FLT1: variants seen among roughly 807,000 people sequenced by gnomAD.
FLT1 encodes the protein fms related receptor tyrosine kinase 1.
FLT1 carries 49 observed loss-of-function variants against 156.3 expected under a neutral mutation model. The observed-to-expected ratio is 0.31, with a 90% CI of 0.25 to 0.40. FLT1 has a LOEUF of 0.40. Ranked by LOEUF, FLT1 falls within the 10% of genes least tolerant of loss-of-function variation. The pLI, the probability that FLT1 is intolerant of heterozygous loss-of-function variation, is 1.00. For missense variants in FLT1, 1,322 were observed against 1,637.2 expected, an observed-to-expected ratio of 0.81 and a Z score of 3.32; for synonymous variants, 594 against 583.8, an observed-to-expected ratio of 1.02 and a Z score of -0.25.
chr13:28,318,698 G>A (rs1871306885), intron 24 of FLT1, among the ~76,000 whole-genome samples: 1 of 152,190 alleles, frequency 6.6e-6, no homozygotes, highest in African/African-American at 2.4e-5. Context: ...ATGTTACTGG[G>A]TGACTTTTAT....
At position 28,303,076 on chromosome 13, in the gene FLT1, T is replaced by C; in HGVS notation, c.*91A>G. On this transcript the variant is annotated 3_prime_UTR_variant, in exon 30 of 30. Transcript: ENST00000282397. ...TGGCTCCCATGGAAAGATAAAGGTG[T>C]AAACTTATATATGCATAATACTGGC... 2 of 1,190,136 alleles carry C rather than the reference T, an allele frequency of 1.7e-6. No homozygotes were observed. The highest frequency in any genetic ancestry group is 1.3e-5 in the South Asian group (1 of 78,018). 73.7% of individuals were successfully genotyped at this position (1,190,136 alleles called of 1,614,324 possible). A position where few individuals can be genotyped will look rare whatever the true frequency, so the allele number is the denominator to read the frequency against.
Position 28,412,350 on chromosome 13 carries a change from C to CCTTTCTTTCTTTT in FLT1, c.1437-6457_1437-6456insAAAAGAAAGAAAG, listed in dbSNP as rs1876287309. On this transcript the variant is annotated intron_variant, in intron 10 of 29. Transcript: ENST00000282397. ...CTTTCTTTTCTTTCTTTCTTTCTTT[C>CCTTTCTTTCTTTT]TCTTTCTTTCTTTCTTTCTTTCTTT... Among the ~76,000 whole-genome samples, 5 of 93,810 alleles carry CCTTTCTTTCTTTT rather than the reference C, an allele frequency of 5.3e-5. No individual in the cohort carries two copies. In the South Asian group the frequency reaches 1.7e-3, roughly 32 times the overall value. The allele number at this position is 93,810 out of a possible 152,430, so 61.5% of individuals were successfully genotyped here.
intron 17 of FLT1, among the ~76,000 whole-genome samples, chr13:28,337,896 GA>G: frequency 6.6e-6 from 1 of 152,314 alleles, no homozygotes; most frequent in South Asian, 2.1e-4. Flanking sequence ...GTGATTGTGG[GA>G]AAATTATCCC....
In FLT1 at chr13:28,302,059, TTGGTATAGAGAC is replaced by T; in HGVS notation, c.*1096_*1107del. 1 of 233,528 alleles carries T rather than the reference TTGGTATAGAGAC, an allele frequency of 4.3e-6. No homozygotes were observed. The highest frequency in any genetic ancestry group is 1.8e-4 in the South Asian group (1 of 5,536). 14.5% of individuals were successfully genotyped at this position (233,528 alleles called of 1,614,324 possible). On this transcript the variant is annotated 3_prime_UTR_variant, in exon 30 of 30. Transcript: ENST00000282397. ...CAACTGTGTTGGTGAATTGGTTTGG[TTGGTATAGAGAC>T]GGGGTTTTCCCTTGACCTTATTGAC...
At chr13:28,387,649 C>G in intron 13 of FLT1, 3 of 1,065,038 alleles carry the variant, frequency 2.8e-6, no homozygotes, top group Non-Finnish European at 3.4e-6. Flanking sequence ...AGGAACCAGC[C>G]TCACACCCCC....
intron 23 of FLT1, among the ~76,000 whole-genome samples, chr13:28,320,706 G>C (rs1481648885): frequency 6.6e-6 from 1 of 152,064 alleles, no homozygotes; most frequent in Non-Finnish European, 1.5e-5. Flanking sequence ...CTCCACCCAA[G>C]AGTTACTGAC....
In FLT1 at chr13:28,303,092, T is replaced by C. The variant is rs2138801415; in HGVS notation, c.*75A>G. ...ATAAAGGTGTAAACTTATATATGCATAATACTGGCAAAAGCTAGTTTCCTG... is the reference window on the plus strand; with the variant it reads ...ATAAAGGTGTAAACTTATATATGCACAATACTGGCAAAAGCTAGTTTCCTG... On this transcript the variant is annotated 3_prime_UTR_variant, in exon 30 of 30. Transcript: ENST00000282397. 1 of 1,370,828 alleles carries C rather than the reference T, an allele frequency of 7.3e-7. No homozygotes were observed. The highest frequency in any genetic ancestry group is 1.0e-6 in the Non-Finnish European group (1 of 972,950). 84.9% of individuals were successfully genotyped at this position (1,370,828 alleles called of 1,614,324 possible). A position where few individuals can be genotyped will look rare whatever the true frequency, so the allele number is the denominator to read the frequency against.
At chr13:28,380,989 C>A (rs943443656) in intron 14 of FLT1, among the ~76,000 whole-genome samples, 4 of 152,066 alleles carry the variant, frequency 2.6e-5, no homozygotes, top group African/African-American at 9.7e-5. Context: ...TCATGAGGGC[C>A]ATGCTAGGAC....
Position 28,397,749 on chromosome 13 carries a change from CGTGTGTGTGTGTGT to C in FLT1, c.1552-695_1552-682del, listed in dbSNP as rs35710786. Among the ~76,000 whole-genome samples the C allele has an allele frequency of 2.8e-4, 36 of 129,868 alleles. 1 individual carries two copies. The highest frequency in any genetic ancestry group is 4.5e-4 in the African/African-American group (16 of 35,290). 85.2% of individuals were successfully genotyped at this position (129,868 alleles called of 152,430 possible). On this transcript the variant is annotated intron_variant, in intron 11 of 29. Coordinates refer to ENST00000282397, the MANE Select transcript of FLT1 (RefSeq NM_002019.4). ...AGCACTGGATGGTCCTGAAGGAGAC[CGTGTGTGTGTGTGT>C]GTGTGTGTGTGTGTGTGTGTGTGTG...
rs766488902 is a variant in FLT1 at position 28,438,365 on chromosome 13, A to G, written c.389-20T>C. ...CTGTATCTGAATGAGAAGAAAATGA[A>G]AAAAATATATACATAAATGATTGAC... On this transcript the variant is annotated intron_variant, in intron 3 of 29. Transcript: ENST00000282397. 4.2e-5 allele frequency: 67 copies of G among 1,591,048 alleles called. No homozygotes were observed. The South Asian group carries it at 7.2e-4, about 17-fold the overall frequency.
chr13:28,316,758 C>A (rs1871224033), intron 25 of FLT1, among the ~76,000 whole-genome samples: 1 of 151,644 alleles, frequency 6.6e-6, no homozygotes. Context: ...CATGCCTCAG[C>A]CTCCCAAGTA....
Position 28,322,958 on chromosome 13 carries a change from C to T in FLT1, c.2797-12G>A, listed in dbSNP as rs113970111. On this transcript the variant is annotated splice_polypyrimidine_tract_variant and intron_variant, in intron 20 of 29. Coordinates refer to ENST00000282397, the MANE Select transcript of FLT1 (RefSeq NM_002019.4). This position sits in a 1 kb window ranked among gnomAD's most constrained non-coding sequence, Gnocchi z 4.3. ...TGTAGTGCTGCATCCTTTGAAGAGACCGAAAAGGACCCAGGTGAAAAGGAG... is the reference window on the plus strand; with the variant it reads ...TGTAGTGCTGCATCCTTTGAAGAGATCGAAAAGGACCCAGGTGAAAAGGAG... The T allele has an allele frequency of 1.4e-5, 22 of 1,613,934 alleles. No homozygotes were observed. The Middle Eastern group carries it at 4.9e-4, about 36-fold the overall frequency.
At chr13:28,414,284 G>A (rs746753267) in intron 10 of FLT1, among the ~76,000 whole-genome samples, 25 of 152,184 alleles carry the variant, frequency 1.6e-4, no homozygotes, top group Admixed American at 7.2e-4. Flanking sequence ...CCTGTGGGCC[G>A]TAACTCCATA....
At chr13:28,386,463 G>A (rs910989365) in intron 13 of FLT1, 2 of 1,044,558 alleles carry the variant, frequency 1.9e-6, no homozygotes, top group African/African-American at 1.7e-5. Context: ...AAATCTGAAG[G>A]CAAAAAAGTG....
intron 1 of FLT1, among the ~76,000 whole-genome samples, chr13:28,490,176 G>A (rs1022977556): frequency 6.6e-6 from 1 of 152,196 alleles, no homozygotes; most frequent in Non-Finnish European, 1.5e-5. Context: ...GGCATGAGTA[G>A]ATTGGGTCAA....
chr13:28,425,714 A>G (rs1042041230), intron 10 of FLT1, among the ~76,000 whole-genome samples: 3 of 152,186 alleles, frequency 2.0e-5, no homozygotes, highest in African/African-American at 7.2e-5. Context: ...CGAATCTAAT[A>G]GCTTCAATTA....
At chr13:28,365,870 A>G (rs1411934602) in intron 14 of FLT1, among the ~76,000 whole-genome samples, 4 of 152,232 alleles carry the variant, frequency 2.6e-5, no homozygotes, top group South Asian at 2.1e-4. Flanking sequence ...AAGAAGCTGT[A>G]TCAGATGGAC....
At chr13:28,492,573 C>CATGCACACACACAGAATATTAATAGCTG (rs1186426437) in intron 1 of FLT1, among the ~76,000 whole-genome samples, 15 of 152,176 alleles carry the variant, frequency 9.9e-5, no homozygotes, top group African/African-American at 2.4e-4. Flanking sequence ...GCACACCAGG[C>CATGCACACACACAGAATATTAATAGCTG]ATGCACACAC....
intron 15 of FLT1, among the ~76,000 whole-genome samples, chr13:28,348,567 A>G (rs556682265): frequency 6.6e-6 from 1 of 152,268 alleles, no homozygotes; most frequent in Admixed American, 6.5e-5. Context: ...GAATGAATGT[A>G]TATATATGTT....
Sources: gnomAD v4.1 joint callset for allele counts (sites outside exome capture counted in the v4.1 genomes callset) on GRCh38, gnomAD v4.1.1 for gene constraint, Gnocchi (gnomAD v3.1) non-coding constraint, MANE v1.5 for transcripts, NCBI Gene and HGNC (gene_info 2026-07-23, HGNC 2026-07-21) for gene names.